Variants in TBCD observed in about 807,000 individuals in gnomAD.
The protein encoded by TBCD is tubulin-specific chaperone D.
TBCD carries 105 observed loss-of-function variants against 169.3 expected under a neutral mutation model. That is an observed-to-expected ratio of 0.62 (90% CI 0.53 to 0.73). The LOEUF (loss-of-function observed/expected upper bound fraction) is 0.73. Ranked by LOEUF, TBCD falls within the 30% of genes least tolerant of loss-of-function variation. The pLI, the probability that TBCD is intolerant of heterozygous loss-of-function variation, is 0.00. For missense variants in TBCD, 1,444 were observed against 1,600.1 expected, an observed-to-expected ratio of 0.90 and a Z score of 1.66; for synonymous variants, 700 against 643.9, an observed-to-expected ratio of 1.09 and a Z score of -1.32.
chr17:82,840,748 C>T (rs1049939208), intron 13 of TBCD, among the ~76,000 whole-genome samples: 1 of 151,474 alleles, frequency 6.6e-6, no homozygotes, highest in African/African-American at 2.4e-5. Flanking sequence ...CCAGTTTTTA[C>T]CTCCACACCC....
chr17:82,916,162 C>G (rs1048433667), intron 23 of TBCD, among the ~76,000 whole-genome samples: 2 of 152,176 alleles, frequency 1.3e-5, no homozygotes, highest in African/African-American at 2.4e-5. Context: ...TTCTCTTTGC[C>G]TGGAGAACAC....
At chr17:82,829,889 G>T in intron 13 of TBCD, 1 of 570,356 alleles carries the variant, frequency 1.8e-6, no homozygotes, top group Non-Finnish European at 3.1e-6. Flanking sequence ...GCTTAGACTT[G>T]AAAATACATA....
intron 13 of TBCD, among the ~76,000 whole-genome samples, chr17:82,855,121 G>A (rs922135398): frequency 2.0e-5 from 3 of 151,134 alleles, no homozygotes; most frequent in East Asian, 3.9e-4. Flanking sequence ...ACCCCTCTTC[G>A]CCCCATATGG....
In TBCD at chr17:82,884,318, C is replaced by T. The variant is rs1016227023; in HGVS notation, c.1533+116C>T. The T allele has an allele frequency of 1.5e-5, 15 of 975,416 alleles. No homozygotes were observed. The highest frequency in any genetic ancestry group is 2.2e-5 in the Non-Finnish European group (14 of 634,112). 60.4% of individuals were successfully genotyped at this position (975,416 alleles called of 1,614,324 possible). ...GCTCACCCATCCACAGCAGGAGCCG[C>T]GAGGGAGCTGCTGAGAGTGCCAGCT... On this transcript the variant is annotated intron_variant, in intron 15 of 38. Coordinates refer to ENST00000355528, the MANE Select transcript of TBCD (RefSeq NM_005993.5). The surrounding 1 kb of genome is among the most constrained non-coding windows in gnomAD (Gnocchi z 4.2).
In TBCD at chr17:82,768,406, G is replaced by T. The variant is rs755018313; in HGVS notation, c.436-14G>T. 2 of 1,613,720 alleles carry T rather than the reference G, an allele frequency of 1.2e-6. No homozygotes were observed. Among genetic ancestry groups the T allele is most frequent in the Admixed American group, 1.7e-5 (1 of 59,994 alleles). On this transcript the variant is annotated splice_polypyrimidine_tract_variant and intron_variant, in intron 4 of 38. Transcript: ENST00000355528. Reference sequence around the variant, plus strand: ...TCAAGCAAGACTCATTCTTCCCGTGGTTTAATTTTTTAGGCTTGGGAAACC... The same window carrying T: ...TCAAGCAAGACTCATTCTTCCCGTGTTTTAATTTTTTAGGCTTGGGAAACC...
intron 30 of TBCD, among the ~76,000 whole-genome samples, chr17:82,928,468 C>T (rs1405493225): frequency 6.6e-6 from 1 of 152,084 alleles, no homozygotes; most frequent in East Asian, 1.9e-4. Flanking sequence ...AGGCCCTGCC[C>T]TTTCTGTCGG....
rs1037802450 is a variant in TBCD, at chr17:82,789,385, C to T, written c.771+7664C>T. ...GGCGCGACCTGCTCACAGACGTGTG[C>T]TCACAGGCAGCCCGTCGCGGGGTCA... On this transcript the variant is annotated intron_variant, in intron 7 of 38. Coordinates refer to ENST00000355528, the MANE Select transcript of TBCD (RefSeq NM_005993.5). This position sits in a 1 kb window ranked among gnomAD's most constrained non-coding sequence, Gnocchi z 4.8. Among the ~76,000 whole-genome samples the T allele has an allele frequency of 1.3e-5, 2 of 152,244 alleles. No individual in the cohort carries two copies. Among genetic ancestry groups the T allele is most frequent in the Non-Finnish European group, 2.9e-5 (2 of 68,044 alleles).
intron 14 of TBCD, among the ~76,000 whole-genome samples, chr17:82,878,348 C>G (rs1253993314): frequency 1.3e-5 from 2 of 152,252 alleles, no homozygotes; most frequent in Non-Finnish European, 2.9e-5. Context: ...TATTCTCAGA[C>G]TTGAGGAGAC....
chr17:82,861,408 G>A (rs376582436), intron 13 of TBCD, among the ~76,000 whole-genome samples: 2 of 151,982 alleles, frequency 1.3e-5, no homozygotes, highest in South Asian at 2.1e-4. Context: ...TTGAGTGTTC[G>A]CATGATGCTT....
intron 22 of TBCD, among the ~76,000 whole-genome samples, chr17:82,911,514 G>A (rs752653488): frequency 6.6e-6 from 1 of 152,228 alleles, no homozygotes; most frequent in Non-Finnish European, 1.5e-5. Flanking sequence ...TACCAGTCAG[G>A]ACTAGAATGT....
At position 82,882,461 on chromosome 17, in the gene TBCD, A is replaced by C. The variant is rs1336375637; in HGVS notation, c.1476-1684A>C. Among the ~76,000 whole-genome samples, 3 of 152,168 alleles carry C rather than the reference A, an allele frequency of 2.0e-5. No individual in the cohort carries two copies. In the East Asian group the frequency reaches 5.8e-4, roughly 29 times the overall value. On this transcript the variant is annotated intron_variant, in intron 14 of 38. Coordinates refer to ENST00000355528, the MANE Select transcript of TBCD (RefSeq NM_005993.5). ...GTGCTCTCTCTGATAAATGCCCCCG[A>C]GTTTCAGTTCTGTGGCTGTAGTTTG...
rs9894705 is a variant in TBCD, at chr17:82,865,882, G to A, written c.1319-4342G>A. On this transcript the variant is annotated intron_variant, in intron 13 of 38. Coordinates refer to ENST00000355528, the MANE Select transcript of TBCD (RefSeq NM_005993.5). The stretch of plus-strand genomic sequence containing the variant: ...GCTGCTTTTTCCTCAGGCAATTGGC[G>A]TTCAACAAATGACAGGCTGTCTAGA... 5.9e-5 allele frequency among the ~76,000 whole-genome samples: 9 copies of A among 152,032 alleles called. No individual in the cohort carries two copies. The South Asian group carries it at 6.2e-4, about 11-fold the overall frequency.
intron 13 of TBCD, chr17:82,859,752 C>A (rs1183208978): frequency 1.0e-6 from 1 of 985,442 alleles, no homozygotes; most frequent in Non-Finnish European, 1.2e-6. Flanking sequence ...GGGCTGCTGC[C>A]CAGACTCACC....
intron 28 of TBCD, 159 bp from the exon 29 acceptor site, chr17:82,927,027 C>T (rs1048585448): frequency 7.0e-6 from 7 of 1,005,952 alleles, no homozygotes; most frequent in Non-Finnish European, 7.2e-6. Flanking sequence ...TCCCACGTTC[C>T]ATACATGTGG....
chr17:82,930,111 T>C lies in TBCD; in HGVS notation c.2992-411T>C. The C allele has an allele frequency of 4.0e-6, 1 of 252,436 alleles. No homozygotes were observed. The highest frequency in any genetic ancestry group is 7.7e-6 in the Non-Finnish European group (1 of 129,060). 15.6% of individuals were successfully genotyped at this position (252,436 alleles called of 1,614,324 possible). ...GAGACCCGGGCCCCAGGACGTGAGG[T>C]GCCCTCTGCGCCGTGCGGGCGCGTG... On this transcript the variant is annotated intron_variant, in intron 32 of 38. Transcript: ENST00000355528. The surrounding 1 kb of genome is among the most constrained non-coding windows in gnomAD (Gnocchi z 5.2).
chr17:82,761,244 G>A (rs1200088896), intron 2 of TBCD, among the ~76,000 whole-genome samples: 3 of 152,138 alleles, frequency 2.0e-5, no homozygotes, highest in Non-Finnish European at 4.4e-5. Context: ...GATTACAGGC[G>A]TGAGCCACCG....
intron 14 of TBCD, among the ~76,000 whole-genome samples, chr17:82,870,607 C>T (rs1214252481): frequency 6.6e-6 from 1 of 152,204 alleles, no homozygotes; most frequent in Non-Finnish European, 1.5e-5. Context: ...GGCCACCCTG[C>T]AGGCAGTGGA....
At position 82,833,106 on chromosome 17, in the gene TBCD, C is replaced by T. The variant is rs1176413178; in HGVS notation, c.1318+18172C>T. On this transcript the variant is annotated intron_variant, in intron 13 of 38. Transcript: ENST00000355528. The surrounding 1 kb of genome is among the most constrained non-coding windows in gnomAD (Gnocchi z 4.7). ...ACGCTTGAAGCAGTGGGTGTGTGAT[C>T]GGCCACACTCTCACGTGAAATACGA... Among the ~76,000 whole-genome samples, 3 of 152,056 alleles carry T rather than the reference C, an allele frequency of 2.0e-5. No homozygotes were observed. The highest frequency in any genetic ancestry group is 7.2e-5 in the African/African-American group (3 of 41,404).
At chr17:82,894,253 G>A (rs1224596263) in intron 17 of TBCD, among the ~76,000 whole-genome samples, 1 of 152,204 alleles carries the variant, frequency 6.6e-6, no homozygotes, top group African/African-American at 2.4e-5. Flanking sequence ...ATTAGGTACT[G>A]GGGAGGTTAC....
Sources: gnomAD v4.1 joint callset for allele counts (sites outside exome capture counted in the v4.1 genomes callset) on GRCh38, gnomAD v4.1.1 for gene constraint, Gnocchi (gnomAD v3.1) non-coding constraint, MANE v1.5 for transcripts, NCBI Gene and HGNC (gene_info 2026-07-23, HGNC 2026-07-21) for gene names.